DHX40: variants seen among roughly 807,000 people sequenced by gnomAD.
DHX40 encodes DEAH-box helicase 40, also known as probable ATP-dependent RNA helicase DHX40.
A neutral mutation model predicts 89.6 loss-of-function variants in DHX40; 28 were observed. That is an observed-to-expected ratio of 0.31 (90% CI 0.23 to 0.43). The LOEUF (loss-of-function observed/expected upper bound fraction) is 0.43. DHX40 is among the 20% of genes least tolerant of loss of function. DHX40 has a pLI of 1.00. For synonymous variants in DHX40, 226 were observed against 283.6 expected, an observed-to-expected ratio of 0.80 and a Z score of 2.04; for missense variants, 457 against 844.0, an observed-to-expected ratio of 0.54 and a Z score of 5.68.
intron 17 of DHX40, among the ~76,000 whole-genome samples, chr17:59,606,654 G>A (rs527721667): frequency 1.9e-4 from 29 of 151,744 alleles, no homozygotes; most frequent in African/African-American, 7.0e-4. Flanking sequence ...GCTGAGGCAG[G>A]AGAATGGCGT....
intron 2 of DHX40, among the ~76,000 whole-genome samples, chr17:59,568,472 A>G (rs1455003428): frequency 6.6e-6 from 1 of 152,124 alleles, no homozygotes. Flanking sequence ...TTCTAAGACC[A>G]CTCAATGCCT....
chr17:59,590,387 T>A (rs1403110678), intron 12 of DHX40, among the ~76,000 whole-genome samples: 1 of 150,326 alleles, frequency 6.7e-6, no homozygotes, highest in Non-Finnish European at 1.5e-5. Context: ...ATGATTATAA[T>A]GGAGGATACA....
At chr17:59,590,028 C>A (rs2049059291) in intron 12 of DHX40, among the ~76,000 whole-genome samples, 1 of 151,804 alleles carries the variant, frequency 6.6e-6, no homozygotes, top group Non-Finnish European at 1.5e-5. Flanking sequence ...AATTTCCTTT[C>A]ATTAGTAAAG....
chr17:59,585,939 A>AG (rs1430593794), intron 10 of DHX40, among the ~76,000 whole-genome samples: 2 of 151,774 alleles, frequency 1.3e-5, no homozygotes, highest in African/African-American at 4.9e-5. Flanking sequence ...GGAGTCAAAA[A>AG]GAATCACTTC....
intron 10 of DHX40, among the ~76,000 whole-genome samples, chr17:59,585,826 GA>G (rs2048987019): frequency 1.4e-5 from 2 of 144,010 alleles, no homozygotes; most frequent in Admixed American, 6.9e-5. Flanking sequence ...TAAAAGTTTG[GA>G]AAAAAATTAT....
chr17:59,596,641 T>C (rs1046793734), intron 12 of DHX40, among the ~76,000 whole-genome samples: 11 of 152,236 alleles, frequency 7.2e-5, no homozygotes, highest in African/African-American at 2.7e-4. Context: ...TTTATATCTT[T>C]TCCTTACCAG....
intron 2 of DHX40, among the ~76,000 whole-genome samples, chr17:59,570,252 A>G (rs1431325522): frequency 7.6e-6 from 1 of 130,734 alleles, no homozygotes; most frequent in Non-Finnish European, 1.6e-5. Context: ...TATATAATAT[A>G]TAAATATATA....
At chr17:59,585,508 A>T (rs1032538459) in intron 10 of DHX40, among the ~76,000 whole-genome samples, 4 of 151,392 alleles carry the variant, frequency 2.6e-5, no homozygotes, top group African/African-American at 9.8e-5. Flanking sequence ...GGATTGCTTA[A>T]GCACAGGAGT....
In DHX40 at chr17:59,565,666, A is replaced by G. The variant is rs371335960; in HGVS notation, c.-6A>G. On this transcript the variant is annotated 5_prime_UTR_variant, in exon 1 of 18. Coordinates refer to ENST00000251241, the MANE Select transcript of DHX40 (RefSeq NM_024612.5). The stretch of plus-strand genomic sequence containing the variant: ...GACGTGCTCGCCTCCACTCGGGGCC[A>G]GGTCTATGTCCCGGTTTCCCGCAGT... The G allele has an allele frequency of 4.4e-6, 7 of 1,599,022 alleles. No individual in the cohort carries two copies. The highest frequency in any genetic ancestry group is 2.7e-5 in the African/African-American group (2 of 74,998).
chr17:59,570,096 G>A (rs28509331), intron 2 of DHX40, among the ~76,000 whole-genome samples: 1 of 121,160 alleles, frequency 8.3e-6, no homozygotes, highest in African/African-American at 3.2e-5. Flanking sequence ...ATAATATATA[G>A]TATATATTAT....
At chr17:59,574,345 G>A in intron 6 of DHX40, 91 bp downstream of exon 6, 2 of 340,130 alleles carry the variant, frequency 5.9e-6, no homozygotes, top group South Asian at 2.4e-5. Flanking sequence ...TGGGAATTCT[G>A]TGCCCTTCTC....
At chr17:59,567,795 G>C (rs536422526) in intron 2 of DHX40, among the ~76,000 whole-genome samples, 2 of 152,072 alleles carry the variant, frequency 1.3e-5, no homozygotes, top group Non-Finnish European at 2.9e-5. Context: ...CGCCGGGCGT[G>C]GTGGTGGGCG....
rs1252775261 is a variant in DHX40 at position 59,607,270 on chromosome 17, T to C, written c.*98T>C. 1.2e-5 allele frequency: 20 copies of C among 1,611,226 alleles called. No homozygotes were observed. The highest frequency in any genetic ancestry group is 1.6e-5 in the Non-Finnish European group (19 of 1,178,624). ...AGACAGCACTACCAAGAGGAGGTGG[T>C]CAGCACTTGTTATTGGCCTATGAAC... On this transcript the variant is annotated 3_prime_UTR_variant, in exon 18 of 18. Transcript: ENST00000251241.
chr17:59,606,762 AG>A (rs1236417772), intron 17 of DHX40, among the ~76,000 whole-genome samples: 54 of 151,678 alleles, frequency 3.6e-4, no homozygotes, highest in African/African-American at 1.3e-3. Flanking sequence ...AAAAAAAAAA[AG>A]AAAAGAAATC....
intron 12 of DHX40, 93 bp downstream of exon 12, chr17:59,588,146 C>T: frequency 6.6e-7 from 1 of 1,522,660 alleles, no homozygotes; most frequent in Admixed American, 1.9e-5. Flanking sequence ...TTTGGGAGGG[C>T]AAGGCAGGTG....
rs768625906 is a variant in DHX40, at chr17:59,607,056, A to G, written c.2224A>G (p.Lys742Glu). The G allele has an allele frequency of 6.1e-5, 98 of 1,613,556 alleles. No homozygotes were observed. The highest frequency in any genetic ancestry group is 7.2e-5 in the Non-Finnish European group (85 of 1,179,930). Residue 742 changes from lysine (K) to glutamate (E), a missense_variant, in exon 18 of 18, where the codon AAG becomes GAG. Lys to Glu is a moderately conservative substitution (Grantham distance 56). Transcript: ENST00000251241. ...AGATGGAATATCGAAAGACGTCTTA[A>G]AGAAAATGCAAAGAAGAAATGATGA... is the stretch of plus-strand genomic sequence containing the variant. The part of the protein sequence containing the change: ...LKDGISKDVL[K>E]KMQRRNDDKS...
intron 2 of DHX40, among the ~76,000 whole-genome samples, chr17:59,568,914 C>G (rs745364931): frequency 6.6e-6 from 1 of 151,834 alleles, no homozygotes; most frequent in Non-Finnish European, 1.5e-5. Flanking sequence ...GTCGCCCAGG[C>G]TGATCTCAAA....
At chr17:59,565,849 G>T in intron 1 of DHX40, 66 bp downstream of exon 1, 3 of 1,369,838 alleles carry the variant, frequency 2.2e-6, no homozygotes, top group Non-Finnish European at 3.0e-6. Flanking sequence ...GTGGGGGGAT[G>T]AAAGTACGCC....
At position 59,575,428 on chromosome 17, in the gene DHX40, C is replaced by T. The variant is rs77178464; in HGVS notation, c.930C>T (p.Leu310=). The change falls in exon 7 of 18, where the codon CTC becomes CTT. Residue 310 remains leucine, a synonymous_variant. Transcript: ENST00000251241. ...DYDYDVQDTT[L]DGLLILPCYG... ...ATTATGATGTTCAAGATACCACCCTCGATGGCTTGTTAATATTGCCGTGTT... is the reference window on the plus strand; with the variant it reads ...ATTATGATGTTCAAGATACCACCCTTGATGGCTTGTTAATATTGCCGTGTT... The T allele has an allele frequency of 7.0e-3, 11,291 of 1,612,914 alleles. 647 individuals carry two copies. In the African/African-American group the frequency reaches 0.13, roughly 19 times the overall value.
Sources: gnomAD v4.1 joint callset for allele counts (sites outside exome capture counted in the v4.1 genomes callset) on GRCh38, gnomAD v4.1.1 for gene constraint, MANE v1.5 for transcripts, NCBI Gene and HGNC (gene_info 2026-07-23, HGNC 2026-07-21) for gene names.